TMEM232: variants seen among roughly 807,000 people sequenced by gnomAD.
TMEM232 encodes transmembrane protein 232.
Under a neutral mutation model 78.8 loss-of-function variants are expected in TMEM232, and 80 were observed. That is an observed-to-expected ratio of 1.01 (90% CI 0.85 to 1.22). TMEM232 has a LOEUF of 1.22. Ranked by LOEUF, TMEM232 falls within the 50% of genes most tolerant of loss-of-function variation. The pLI, the probability that TMEM232 is intolerant of heterozygous loss-of-function variation, is 0.00. For synonymous variants in TMEM232, 297 were observed against 254.3 expected (o/e 1.17, Z -1.60); for missense variants, 881 against 742.2 (o/e 1.19, Z -2.17).
At chr5:110,528,947 AT>A in intron 11 of TMEM232, 112 bp from the exon 12 acceptor site, 2 of 1,007,466 alleles carry the variant, frequency 2.0e-6, no homozygotes, top group Non-Finnish European at 2.5e-6. Flanking sequence ...CTAATATTGC[AT>A]TTTTCCTGTT....
intron 11 of TMEM232, among the ~76,000 whole-genome samples, chr5:110,535,856 C>G (rs1474436777): frequency 6.6e-6 from 1 of 152,166 alleles, no homozygotes; most frequent in Non-Finnish European, 1.5e-5. Context: ...AGCCGATTCT[C>G]ACTGGCTTCC....
intron 1 of TMEM232, among the ~76,000 whole-genome samples, chr5:110,696,354 T>A (rs949619815): frequency 1.3e-5 from 2 of 152,158 alleles, no homozygotes; most frequent in African/African-American, 2.4e-5. Flanking sequence ...TCATACTGAA[T>A]GGACAAAAAC....
At chr5:110,557,677 CA>C (rs1775264229) in intron 11 of TMEM232, among the ~76,000 whole-genome samples, 1 of 152,108 alleles carries the variant, frequency 6.6e-6, no homozygotes, top group African/African-American at 2.4e-5. Context: ...GGAGGTTCTA[CA>C]CACTTTTAAA....
chr5:110,666,275 A>G (rs1790578059), intron 2 of TMEM232, among the ~76,000 whole-genome samples: 1 of 152,174 alleles, frequency 6.6e-6, no homozygotes, highest in African/African-American at 2.4e-5. Flanking sequence ...TCATATCCAC[A>G]ATACACATTT....
intron 1 of TMEM232, among the ~76,000 whole-genome samples, chr5:110,708,951 A>G (rs926480841): frequency 2.0e-5 from 3 of 152,108 alleles, no homozygotes; most frequent in African/African-American, 7.2e-5. Context: ...GAATGGATGA[A>G]AAAACAAGAC....
intron 12 of TMEM232, among the ~76,000 whole-genome samples, chr5:110,478,981 G>T (rs1403966095): frequency 1.4e-5 from 2 of 143,886 alleles, no homozygotes; most frequent in African/African-American, 5.1e-5. Flanking sequence ...ATCCTTGATT[G>T]GGACTTAAAG....
intron 5 of TMEM232, among the ~76,000 whole-genome samples, chr5:110,630,895 T>G (rs545283293): frequency 6.6e-6 from 1 of 152,018 alleles, no homozygotes; most frequent in Non-Finnish European, 1.5e-5. Context: ...TCTACCCACA[T>G]ATTTCCTGAC....
rs1338916526 is a variant in TMEM232, at chr5:110,709,473, A to G, written c.-13+17154T>C. Among the ~76,000 whole-genome samples the G allele has an allele frequency of 3.9e-5, 6 of 152,284 alleles. No homozygotes were observed. The East Asian group carries it at 9.6e-4, about 24-fold the overall frequency. ...CATGGATCATTCTCTAGAATAGACCATATGTTAGGTCACAGAATTGGGTCC... is the reference window on the plus strand; with the variant it reads ...CATGGATCATTCTCTAGAATAGACCGTATGTTAGGTCACAGAATTGGGTCC... On this transcript the variant is annotated intron_variant, in intron 1 of 13. Coordinates refer to ENST00000455884, the MANE Select transcript of TMEM232 (RefSeq NM_001039763.4).
At chr5:110,563,445 T>G (rs893029491) in intron 11 of TMEM232, among the ~76,000 whole-genome samples, 1 of 151,924 alleles carries the variant, frequency 6.6e-6, no homozygotes, top group Non-Finnish European at 1.5e-5. Flanking sequence ...ATAATCCATT[T>G]GTGATTTGAC....
At chr5:110,596,276 A>C (rs377310699) in intron 10 of TMEM232, among the ~76,000 whole-genome samples, 1 of 152,200 alleles carries the variant, frequency 6.6e-6, no homozygotes, top group African/African-American at 2.4e-5. Context: ...GAAATGGATA[A>C]ATTCCTCGAC....
chr5:110,735,659 A>G (rs1409819068), intron 1 of TMEM232, among the ~76,000 whole-genome samples: 1 of 152,186 alleles, frequency 6.6e-6, no homozygotes, highest in East Asian at 1.9e-4. Context: ...CTCTTCCAAA[A>G]AAATAGAACA....
chr5:110,648,404 A>G (rs1165440831), intron 2 of TMEM232, among the ~76,000 whole-genome samples: 1 of 152,054 alleles, frequency 6.6e-6, no homozygotes, highest in Non-Finnish European at 1.5e-5. Context: ...ACAACTTTAT[A>G]TATATCCAAT....
intron 10 of TMEM232, among the ~76,000 whole-genome samples, chr5:110,602,666 G>A (rs969977358): frequency 6.6e-6 from 1 of 152,142 alleles, no homozygotes; most frequent in Non-Finnish European, 1.5e-5. Context: ...AGGATCTGGA[G>A]AAATAGGAAT....
At chr5:110,646,836 T>C (rs908189013) in intron 2 of TMEM232, among the ~76,000 whole-genome samples, 1 of 151,648 alleles carries the variant, frequency 6.6e-6, no homozygotes, top group Non-Finnish European at 1.5e-5. Context: ...AATAAATCAA[T>C]AGCCAAAAAG....
intron 10 of TMEM232, among the ~76,000 whole-genome samples, chr5:110,585,554 T>C (rs1778712687): frequency 6.6e-6 from 1 of 152,146 alleles, no homozygotes; most frequent in African/African-American, 2.4e-5. Flanking sequence ...TATTCAAGAT[T>C]TGGAAAATGG....
chr5:110,651,637 TTTG>T (rs1788315284), intron 2 of TMEM232, among the ~76,000 whole-genome samples: 1 of 152,088 alleles, frequency 6.6e-6, no homozygotes, highest in Admixed American at 6.6e-5. Flanking sequence ...ATGACACAAT[TTTG>T]TTAACATTCT....
intron 2 of TMEM232, among the ~76,000 whole-genome samples, chr5:110,653,268 T>C (rs1314709138): frequency 6.6e-6 from 1 of 152,232 alleles, no homozygotes; most frequent in East Asian, 1.9e-4. Flanking sequence ...CCATGTCCTA[T>C]AATCTTTGCT....
At chr5:110,527,399 T>C (rs958897842) in intron 12 of TMEM232, among the ~76,000 whole-genome samples, 13 of 151,946 alleles carry the variant, frequency 8.6e-5, no homozygotes, top group Non-Finnish European at 1.9e-4. Context: ...AAACGCTTGA[T>C]AATACCTTAG....
intron 11 of TMEM232, among the ~76,000 whole-genome samples, chr5:110,539,512 A>G (rs1244278522): frequency 3.9e-5 from 6 of 152,182 alleles, no homozygotes; most frequent in Non-Finnish European, 1.5e-5. Context: ...TTTCTTCTCC[A>G]TTCCCTCTGG....
Sources: gnomAD v4.1 joint callset for allele counts (sites outside exome capture counted in the v4.1 genomes callset) on GRCh38, gnomAD v4.1.1 for gene constraint, MANE v1.5 for transcripts, NCBI Gene and HGNC (gene_info 2026-07-23, HGNC 2026-07-21) for gene names.